The following CDH17 variants were observed in gnomAD, a reference collection of about 807,000 sequenced individuals.
CDH17 encodes the protein cadherin-17.
CDH17 carries 67 observed loss-of-function variants against 86.3 expected under a neutral mutation model. That is an observed-to-expected ratio of 0.78 (90% CI 0.64 to 0.95). CDH17 has a LOEUF of 0.95. Among genes scored for constraint, CDH17 ranks in the 40% least tolerant of loss-of-function variants. The pLI, the probability that CDH17 is intolerant of heterozygous loss-of-function variation, is 0.00. For synonymous variants in CDH17, 367 were observed against 366.4 expected (o/e 1.00, Z -0.02); for missense variants, 993 against 1,017.6 (o/e 0.98, Z 0.33).
At chr8:94,183,257 C>T (rs1242672268) in intron 3 of CDH17, among the ~76,000 whole-genome samples, 1 of 152,044 alleles carries the variant, frequency 6.6e-6, no homozygotes, top group African/African-American at 2.4e-5. Flanking sequence ...CAGGCTGATC[C>T]TAAAATTCAT....
intron 14 of CDH17, among the ~76,000 whole-genome samples, chr8:94,148,450 G>C (rs992024530): frequency 2.1e-5 from 3 of 144,838 alleles, no homozygotes; most frequent in Non-Finnish European, 4.5e-5. Flanking sequence ...GCTGAGGTAG[G>C]AGAATTGCTT....
intron 15 of CDH17, among the ~76,000 whole-genome samples, chr8:94,136,824 T>C (rs1021925313): frequency 2.6e-5 from 4 of 151,690 alleles, no homozygotes; most frequent in Admixed American, 2.6e-4. Context: ...GATGTCCTTT[T>C]TGCTGATGTT....
intron 5 of CDH17, 21 bp from the exon 6 acceptor site, chr8:94,174,281 A>AC: frequency 1.3e-6 from 2 of 1,511,426 alleles, no homozygotes; most frequent in East Asian, 2.3e-5. Context: ...AGACGTACCC[A>AC]GAAAAAAAAA....
rs145270119 is a variant in CDH17 at position 94,130,877 on chromosome 8, T to C, written c.2283A>G (p.Pro761=). 4.4e-6 allele frequency: 7 copies of C among 1,591,978 alleles called. No homozygotes were observed. The highest frequency in any genetic ancestry group is 6.0e-6 in the Non-Finnish European group (7 of 1,159,912). Residue 761 remains proline (P), a splice_region_variant and synonymous_variant, in exon 16 of 18, where the codon CCA becomes CCG. Coordinates refer to ENST00000027335, the MANE Select transcript of CDH17 (RefSeq NM_004063.4). ...AGTTGCCTATAGCAGAATATCTACC[T>C]GGTAAAGAAACAATGCCTTCCAAGG... is the stretch of plus-strand genomic sequence containing the variant. ...RPPLEGIVSL[P]VTFCSCVEGS...
intron 1 of CDH17, among the ~76,000 whole-genome samples, chr8:94,199,139 C>T (rs930597346): frequency 2.8e-5 from 4 of 143,848 alleles, no homozygotes; most frequent in African/African-American, 1.0e-4. Context: ...AAATAAAATC[C>T]TTAAGGGCAG....
chr8:94,156,719 G>A (rs1812955583), intron 12 of CDH17, among the ~76,000 whole-genome samples: 1 of 152,166 alleles, frequency 6.6e-6, no homozygotes, highest in Admixed American at 6.5e-5. Context: ...TAGGCAACAG[G>A]GGAAAGCATA....
At chr8:94,194,245 T>C (rs140297041) in intron 2 of CDH17, among the ~76,000 whole-genome samples, 53 of 152,330 alleles carry the variant, frequency 3.5e-4, no homozygotes, top group African/African-American at 1.2e-3. Flanking sequence ...AATGCTTTTC[T>C]TGATGTTTTG....
At chr8:94,132,001 A>G (rs577889628) in intron 15 of CDH17, among the ~76,000 whole-genome samples, 1 of 152,166 alleles carries the variant, frequency 6.6e-6, no homozygotes, top group Non-Finnish European at 1.5e-5. Flanking sequence ...TGCAAAGGAC[A>G]TGGACTCATC....
intron 15 of CDH17, among the ~76,000 whole-genome samples, 158 bp downstream of exon 15, chr8:94,145,770 C>G (rs1490048685): frequency 6.6e-6 from 1 of 152,126 alleles, no homozygotes; most frequent in Admixed American, 6.5e-5. Context: ...GGCTTTTTCC[C>G]CTCTGGAGTC....
intron 7 of CDH17, 65 bp downstream of exon 7, chr8:94,173,732 G>A (rs1200026330): frequency 1.7e-6 from 2 of 1,146,836 alleles, no homozygotes; most frequent in African/African-American, 3.0e-5. Flanking sequence ...CTGTGAGGGT[G>A]GGTCTCTACA....
intron 15 of CDH17, among the ~76,000 whole-genome samples, chr8:94,142,521 T>C (rs1812659664): frequency 6.6e-6 from 1 of 152,202 alleles, no homozygotes; most frequent in African/African-American, 2.4e-5. Flanking sequence ...TGAAGTTTGT[T>C]GCACTTATTG....
chr8:94,215,016 A>G (rs1423291792), intron 1 of CDH17, among the ~76,000 whole-genome samples: 2 of 152,240 alleles, frequency 1.3e-5, no homozygotes, highest in African/African-American at 4.8e-5. Context: ...ATGTGGAGAA[A>G]TTAGAATCCT....
At chr8:94,189,019 G>T (rs62526266) in intron 3 of CDH17, among the ~76,000 whole-genome samples, 168 bp downstream of exon 3, 8,832 of 152,224 alleles carry the variant, frequency 0.058, 383 homozygotes, top group Non-Finnish European at 0.094. Flanking sequence ...CAATTCTTAT[G>T]ATACTGAGGC....
chr8:94,148,590 T>TATATTTTG (rs1812793221), intron 14 of CDH17, among the ~76,000 whole-genome samples, 154 bp downstream of exon 14: 1 of 149,398 alleles, frequency 6.7e-6, no homozygotes, highest in Non-Finnish European at 1.5e-5. Flanking sequence ...AGCACTCCCT[T>TATATTTTG]ATATTTTGTA....
At chr8:94,137,711 C>T (rs77106183) in intron 15 of CDH17, among the ~76,000 whole-genome samples, 1 of 151,920 alleles carries the variant, frequency 6.6e-6, no homozygotes, top group East Asian at 1.9e-4. Flanking sequence ...TAAAAAAAAA[C>T]CTAACTAACT....
Position 94,148,766 on chromosome 8 carries a change from T to C in CDH17, c.1905A>G (p.Val635=), listed in dbSNP as rs750703740. ...LDREAGSPYR[V]QVVATEVGGS... ...TACCTACTTCTGTGGCCACCACTTG[T>C]ACCCGATATGGACTTCCGGCTTCTC... Residue 635 remains valine (V), a synonymous_variant, in exon 14 of 18, where the codon GTA becomes GTG. Coordinates refer to ENST00000027335, the MANE Select transcript of CDH17 (RefSeq NM_004063.4). 1.9e-6 allele frequency: 3 copies of C among 1,543,436 alleles called. No homozygotes were observed. The highest frequency in any genetic ancestry group is 3.6e-5 in the Admixed American group (2 of 55,322).
intron 1 of CDH17, among the ~76,000 whole-genome samples, chr8:94,197,716 AGCT>A (rs1423645938): frequency 6.6e-6 from 1 of 151,870 alleles, no homozygotes; most frequent in Non-Finnish European, 1.5e-5. Flanking sequence ...CTGTAGTCCC[AGCT>A]ACTTGGGAGG....
intron 2 of CDH17, among the ~76,000 whole-genome samples, chr8:94,192,800 T>C (rs1446405517): frequency 6.6e-6 from 1 of 152,242 alleles, no homozygotes; most frequent in East Asian, 1.9e-4. Flanking sequence ...ATCACTTATT[T>C]ACTCTCTCTT....
rs74586307 is a variant in CDH17, at chr8:94,159,909, C to A, written c.1551+62G>T. The A allele has an allele frequency of 1.4e-3, 1,864 of 1,331,776 alleles. 20 individuals are homozygous for A. The African/African-American group carries it at 0.025, about 18-fold the overall frequency. 82.5% of individuals were successfully genotyped at this position (1,331,776 alleles called of 1,614,324 possible). ...TCACCTCTGCTTATAGGTCTTCACA[C>A]TGTCATTAGTAAATTAACCCACAAA... On this transcript the variant is annotated intron_variant, in intron 12 of 17. Coordinates refer to ENST00000027335, the MANE Select transcript of CDH17 (RefSeq NM_004063.4).
Sources: gnomAD v4.1 joint callset for allele counts (sites outside exome capture counted in the v4.1 genomes callset) on GRCh38, gnomAD v4.1.1 for gene constraint, MANE v1.5 for transcripts, NCBI Gene and HGNC (gene_info 2026-07-23, HGNC 2026-07-21) for gene names.